The following CYP39A1 variants were observed in gnomAD, a reference collection of about 807,000 sequenced individuals.
CYP39A1 encodes cytochrome P450 family 39 subfamily A member 1, also known as 24-hydroxycholesterol 7-alpha-hydroxylase.
In CYP39A1, 49 loss-of-function variants were observed where a neutral mutation model predicts 58.1. The observed-to-expected ratio is 0.84, with a 90% CI of 0.67 to 1.07. The LOEUF is 1.07. Among genes scored for constraint, CYP39A1 ranks in the 50% least tolerant of loss-of-function variants. The pLI, the probability that CYP39A1 is intolerant of heterozygous loss-of-function variation, is 0.00. For missense variants in CYP39A1, 531 were observed against 539.4 expected, an observed-to-expected ratio of 0.98 and a Z score of 0.16; for synonymous variants, 209 against 187.6, an observed-to-expected ratio of 1.11 and a Z score of -0.93.
At chr6:46,612,980 C>T (rs146992173) in intron 7 of CYP39A1, among the ~76,000 whole-genome samples, 1 of 152,236 alleles carries the variant, frequency 6.6e-6, no homozygotes, top group East Asian at 1.9e-4. Context: ...GAGACACACC[C>T]AAGTGAAGGG....
chr6:46,607,072 C>T (rs1773891539), intron 7 of CYP39A1, among the ~76,000 whole-genome samples: 1 of 152,132 alleles, frequency 6.6e-6, no homozygotes, highest in African/African-American at 2.4e-5. Flanking sequence ...GAGCAGCCTT[C>T]AAACCTATGT....
intron 7 of CYP39A1, among the ~76,000 whole-genome samples, chr6:46,621,648 A>G (rs959133009): frequency 1.4e-4 from 22 of 152,148 alleles, no homozygotes; most frequent in African/African-American, 5.1e-4. Context: ...ACCAGTAACA[A>G]GTAGAAAGAC....
intron 6 of CYP39A1, among the ~76,000 whole-genome samples, chr6:46,629,878 A>G (rs1021959477): frequency 2.0e-5 from 3 of 152,160 alleles, no homozygotes; most frequent in African/African-American, 7.2e-5. Flanking sequence ...GTTGGCACTG[A>G]ACATGACGTG....
At chr6:46,574,542 C>T (rs1328718204) in intron 10 of CYP39A1, among the ~76,000 whole-genome samples, 4 of 152,072 alleles carry the variant, frequency 2.6e-5, no homozygotes, top group African/African-American at 9.7e-5. Context: ...ATTCTAGTCC[C>T]CTTTTCTTAG....
intron 10 of CYP39A1, among the ~76,000 whole-genome samples, chr6:46,575,652 G>A (rs538012236): frequency 2.0e-5 from 3 of 152,324 alleles, no homozygotes; most frequent in African/African-American, 7.2e-5. Flanking sequence ...CCCTGCCAGA[G>A]CACTTTTGCC....
intron 7 of CYP39A1, among the ~76,000 whole-genome samples, chr6:46,609,009 G>C (rs1774030738): frequency 6.6e-6 from 1 of 152,030 alleles, no homozygotes; most frequent in South Asian, 2.1e-4. Context: ...TTGTTGACTT[G>C]TCTCTAAATG....
At chr6:46,580,667 C>T (rs1325894294) in intron 10 of CYP39A1, among the ~76,000 whole-genome samples, 4 of 151,860 alleles carry the variant, frequency 2.6e-5, no homozygotes, top group Non-Finnish European at 5.9e-5. Flanking sequence ...AACACAACCC[C>T]ATTTAAAAAA....
At chr6:46,627,422 ATTTTT>A (rs10568938) in intron 6 of CYP39A1, among the ~76,000 whole-genome samples, 2,810 of 129,758 alleles carry the variant, frequency 0.022, 108 homozygotes, top group East Asian at 0.15. Context: ...TTATTTATTT[ATTTTT>A]TTTTTTTTTG....
intron 7 of CYP39A1, among the ~76,000 whole-genome samples, chr6:46,623,940 C>T (rs9296503): frequency 0.19 from 29,080 of 152,062 alleles, 2,997 homozygotes; most frequent in African/African-American, 0.27. Flanking sequence ...CTGAAAGCAT[C>T]CATATAATGT....
At chr6:46,600,369 C>G (rs1198572630) in intron 7 of CYP39A1, among the ~76,000 whole-genome samples, 2 of 152,056 alleles carry the variant, frequency 1.3e-5, no homozygotes, top group African/African-American at 4.8e-5. Flanking sequence ...GATCTGCCCA[C>G]CTCAGCCTTC....
Position 46,631,062 on chromosome 6 carries a change from CAAT to C in CYP39A1, c.738_740del (p.Leu247del). 6.2e-7 allele frequency: 1 copy of C among 1,612,282 alleles called. No homozygotes were observed. The highest frequency in any genetic ancestry group is 8.5e-7 in the Non-Finnish European group (1 of 1,178,784). On this transcript the variant is annotated inframe_deletion, in exon 6 of 12. Transcript: ENST00000275016. ...TCTCTACAATATCCAGCGTAGCTTG[CAAT>C]AATGTCTGTTTAAAAGAAATAAACA...
At chr6:46,558,085 T>C (rs947657514) in intron 10 of CYP39A1, among the ~76,000 whole-genome samples, 4 of 151,218 alleles carry the variant, frequency 2.6e-5, no homozygotes, top group Non-Finnish European at 5.9e-5. Flanking sequence ...ACATTAAAAG[T>C]TAACATAGAC....
At chr6:46,609,319 C>A (rs564677990) in intron 7 of CYP39A1, among the ~76,000 whole-genome samples, 1 of 151,214 alleles carries the variant, frequency 6.6e-6, no homozygotes, top group Non-Finnish European at 1.5e-5. Flanking sequence ...AAGAGAATGG[C>A]GTGAACCCGG....
chr6:46,553,734 A>C, intron 11 of CYP39A1, 33 bp downstream of exon 11: 14 of 1,392,672 alleles, frequency 1.0e-5, no homozygotes, highest in South Asian at 3.5e-5. Context: ...ATTTATAAGT[A>C]GTCATGATAC....
chr6:46,592,203 A>G (rs948197880), intron 8 of CYP39A1, among the ~76,000 whole-genome samples: 10 of 152,174 alleles, frequency 6.6e-5, no homozygotes, highest in African/African-American at 2.4e-4. Flanking sequence ...AGGCAAAAGC[A>G]AACAAAGAGA....
At chr6:46,635,302 G>A (rs1026666008) in intron 5 of CYP39A1, among the ~76,000 whole-genome samples, 2 of 152,152 alleles carry the variant, frequency 1.3e-5, no homozygotes, top group East Asian at 1.9e-4. Flanking sequence ...AACTTTATGC[G>A]GTGAGGAAAC....
intron 7 of CYP39A1, among the ~76,000 whole-genome samples, chr6:46,618,691 AT>A (rs917936817): frequency 1.3e-4 from 19 of 151,336 alleles, no homozygotes; most frequent in South Asian, 1.0e-3. Context: ...TGTATTACGT[AT>A]TTTTTTTTAA....
intron 1 of CYP39A1, among the ~76,000 whole-genome samples, chr6:46,642,676 A>T (rs1294387692): frequency 6.6e-6 from 1 of 152,204 alleles, no homozygotes; most frequent in East Asian, 1.9e-4. Flanking sequence ...TTCAACAAAA[A>T]GGTTCAAAAT....
At chr6:46,642,077 G>A in intron 2 of CYP39A1, 86 bp downstream of exon 2, 1 of 1,343,160 alleles carries the variant, frequency 7.4e-7, no homozygotes, top group South Asian at 1.2e-5. Flanking sequence ...ATTCTTGATA[G>A]AGGAATGAGG....
Sources: allele counts gnomAD v4.1 joint callset (sites outside exome capture counted in the v4.1 genomes callset), GRCh38; gene constraint gnomAD v4.1.1; transcripts MANE v1.5; gene names NCBI Gene and HGNC (gene_info 2026-07-23, HGNC 2026-07-21).